The following FGF12 variants were observed in gnomAD, a reference collection of about 807,000 sequenced individuals.
FGF12 encodes the protein fibroblast growth factor 12B.
In FGF12, 14 loss-of-function variants were observed where a neutral mutation model predicts 23.6. The observed-to-expected ratio is 0.59, with a 90% CI of 0.39 to 0.93. The LOEUF is 0.93. Ranked by LOEUF, FGF12 falls within the 40% of genes least tolerant of loss-of-function variation. FGF12 has a pLI of 0.00. For missense variants in FGF12, 175 were observed against 217.8 expected, an observed-to-expected ratio of 0.80 and a Z score of 1.24; for synonymous variants, 62 against 77.3, an observed-to-expected ratio of 0.80 and a Z score of 1.04.
At chr3:192,430,057 G>A (rs1384074178) in intron 2 of FGF12, among the ~76,000 whole-genome samples, 2 of 151,964 alleles carry the variant, frequency 1.3e-5, no homozygotes. Flanking sequence ...TTAAGAATTT[G>A]GCCTTCTCTT....
At chr3:192,226,633 T>C (rs907655237) in intron 4 of FGF12, among the ~76,000 whole-genome samples, 1 of 152,140 alleles carries the variant, frequency 6.6e-6, no homozygotes, top group Admixed American at 6.6e-5. Context: ...GTGGAACCTT[T>C]GCAAGGTGAT....
intron 4 of FGF12, among the ~76,000 whole-genome samples, chr3:192,304,652 A>T (rs1277899912): frequency 2.6e-5 from 4 of 152,194 alleles, no homozygotes; most frequent in Non-Finnish European, 5.9e-5. Flanking sequence ...TTTACATGTT[A>T]TAACACGTGA....
intron 2 of FGF12, among the ~76,000 whole-genome samples, chr3:192,601,925 T>A (rs1220388088): frequency 2.0e-5 from 3 of 151,748 alleles, no homozygotes; most frequent in South Asian, 4.2e-4. Flanking sequence ...CCATTTTTTT[T>A]AAGTATTTTT....
rs1719602794 is a variant in FGF12 at position 192,378,021 on chromosome 3, C to CT, written c.14-17484dup. ...TAGACGAGATCCCTTTCTTCTGACTCTTTCTTTTCTTTCTTTCTTTCTTTC... is the reference window on the plus strand; with the variant it reads ...TAGACGAGATCCCTTTCTTCTGACTCTTTTCTTTTCTTTCTTTCTTTCTTTC... On this transcript the variant is annotated intron_variant, in intron 2 of 5. Coordinates refer to ENST00000445105, the MANE Select transcript of FGF12 (RefSeq NM_004113.6). Among the ~76,000 whole-genome samples, 17 of 71,246 alleles carry CT rather than the reference C, an allele frequency of 2.4e-4. 2 individuals are homozygous for CT. The highest frequency in any genetic ancestry group is 2.1e-3 in the Admixed American group (16 of 7,746). The allele number at this position is 71,246 out of a possible 152,430, so 46.7% of individuals were successfully genotyped here.
chr3:192,421,035 A>T (rs1721511317), intron 2 of FGF12, among the ~76,000 whole-genome samples: 1 of 152,176 alleles, frequency 6.6e-6, no homozygotes, highest in African/African-American at 2.4e-5. Flanking sequence ...GTGGAGAGAT[A>T]TTCGACGAGA....
chr3:192,235,847 C>G (rs1719265935), intron 4 of FGF12, among the ~76,000 whole-genome samples: 1 of 152,100 alleles, frequency 6.6e-6, no homozygotes, highest in African/African-American at 2.4e-5. Context: ...ATTTTCATGT[C>G]TTAATTTCAT....
At chr3:192,711,351 C>T (rs1461991325) in intron 2 of FGF12, among the ~76,000 whole-genome samples, 1 of 151,816 alleles carries the variant, frequency 6.6e-6, no homozygotes, top group African/African-American at 2.4e-5. Flanking sequence ...CGCCCAGCCG[C>T]CGTCCCGTCC....
At chr3:192,599,844 A>G (rs1025528319) in intron 2 of FGF12, among the ~76,000 whole-genome samples, 1 of 152,142 alleles carries the variant, frequency 6.6e-6, no homozygotes, top group Non-Finnish European at 1.5e-5. Context: ...ACTATATGAC[A>G]TTATAGAGAA....
At chr3:192,531,825 G>A (rs956757030) in intron 2 of FGF12, among the ~76,000 whole-genome samples, 6 of 152,138 alleles carry the variant, frequency 3.9e-5, no homozygotes, top group Non-Finnish European at 8.8e-5. Context: ...TGCTTAGGAG[G>A]TGTTAATCTG....
chr3:192,156,159 T>C (rs534180002), intron 5 of FGF12, among the ~76,000 whole-genome samples: 6 of 152,352 alleles, frequency 3.9e-5, no homozygotes, highest in African/African-American at 1.4e-4. Flanking sequence ...GATATTTTAG[T>C]TCTTATGATA....
rs184596760 is a variant in FGF12 at position 192,472,177 on chromosome 3, C to T, written c.14-111639G>A. 8.0e-4 allele frequency among the ~76,000 whole-genome samples: 122 copies of T among 152,092 alleles called. 1 individual carries two copies. Among genetic ancestry groups the T allele is most frequent in the Middle Eastern group, 3.4e-3 (1 of 294 alleles). ...GACTACAGGCGCCTGCCACCACGCCCGGCTAATTTTATGCATTTTTAGTAG... is the reference window on the plus strand; with the variant it reads ...GACTACAGGCGCCTGCCACCACGCCTGGCTAATTTTATGCATTTTTAGTAG... On this transcript the variant is annotated intron_variant, in intron 2 of 5. Coordinates refer to ENST00000445105, the MANE Select transcript of FGF12 (RefSeq NM_004113.6).
chr3:192,484,315 TA>T lies in FGF12; in HGVS notation c.14-123778del, dbSNP rs57914760. Among the ~76,000 whole-genome samples, 985 of 99,606 alleles carry T rather than the reference TA, an allele frequency of 9.9e-3. 4 individuals carry two copies. Among genetic ancestry groups the T allele is most frequent in the African/African-American group, 0.013 (425 of 33,810 alleles). 65.3% of individuals were successfully genotyped at this position (99,606 alleles called of 152,430 possible). ...TCCAATAGAGATCCTTCCATTTTCC[TA>T]AAAAAAAAAAAAAAAAAAAAAAGAA... On this transcript the variant is annotated intron_variant, in intron 2 of 5. Transcript: ENST00000445105.
intron 2 of FGF12, among the ~76,000 whole-genome samples, chr3:192,630,723 T>G (rs1302810916): frequency 6.6e-6 from 1 of 151,454 alleles, no homozygotes; most frequent in Non-Finnish European, 1.5e-5. Flanking sequence ...CGGCTAATTT[T>G]TTTTTTTTGT....
At chr3:192,724,618 C>T (rs2108749488) in intron 2 of FGF12, among the ~76,000 whole-genome samples, 1 of 152,288 alleles carries the variant, frequency 6.6e-6, no homozygotes, top group East Asian at 1.9e-4. Context: ...GTACATGGTG[C>T]ACAAAAATCG....
intron 4 of FGF12, among the ~76,000 whole-genome samples, chr3:192,205,618 T>C (rs1358106513): frequency 6.6e-6 from 1 of 152,192 alleles, no homozygotes; most frequent in East Asian, 1.9e-4. Flanking sequence ...CCTGTTGGTG[T>C]AGGCAGAGTA....
intron 2 of FGF12, among the ~76,000 whole-genome samples, chr3:192,597,335 A>G (rs1328873581): frequency 1.3e-5 from 2 of 152,184 alleles, no homozygotes; most frequent in Non-Finnish European, 2.9e-5. Context: ...AAATATAGGC[A>G]TATTATTGCA....
intron 2 of FGF12, among the ~76,000 whole-genome samples, chr3:192,645,686 G>A (rs1230381859): frequency 7.2e-6 from 1 of 138,034 alleles, no homozygotes; most frequent in Non-Finnish European, 1.5e-5. Context: ...TCAAATGTTT[G>A]TTCTACAAAT....
intron 4 of FGF12, among the ~76,000 whole-genome samples, chr3:192,262,679 C>T (rs1223532727): frequency 6.6e-6 from 1 of 152,126 alleles, no homozygotes; most frequent in Non-Finnish European, 1.5e-5. Flanking sequence ...TAGGCTCTCA[C>T]ATCTAGGTTT....
At chr3:192,322,405 C>A (rs190477281) in intron 4 of FGF12, among the ~76,000 whole-genome samples, 260 of 152,074 alleles carry the variant, frequency 1.7e-3, no homozygotes, top group African/African-American at 6.0e-3. Context: ...AAGCAATCTA[C>A]AGATTCAATG....
Sources: gnomAD v4.1 joint callset for allele counts (sites outside exome capture counted in the v4.1 genomes callset) on GRCh38, gnomAD v4.1.1 for gene constraint, MANE v1.5 for transcripts, NCBI Gene and HGNC (gene_info 2026-07-23, HGNC 2026-07-21) for gene names.